Variants in CDH18 observed in about 807,000 individuals in gnomAD.
CDH18 encodes the protein cadherin-18.
Under a neutral mutation model 67.9 loss-of-function variants are expected in CDH18, and 31 were observed. The observed-to-expected ratio is 0.46, with a 90% CI of 0.34 to 0.62. The LOEUF is 0.62. CDH18 is among the 20% of genes least tolerant of loss of function. The probability of loss-of-function intolerance (pLI) is 0.01; values close to 1 mark genes in which losing one functional copy is unlikely to be tolerated. For missense variants in CDH18, 890 were observed against 975.5 expected, an observed-to-expected ratio of 0.91 and a Z score of 1.17; for synonymous variants, 362 against 347.2, an observed-to-expected ratio of 1.04 and a Z score of -0.48.
At chr5:20,397,812 T>C (rs1448964188) in intron 1 of CDH18, among the ~76,000 whole-genome samples, 1 of 152,176 alleles carries the variant, frequency 6.6e-6, no homozygotes, top group Non-Finnish European at 1.5e-5. Flanking sequence ...ATTCTCTTTT[T>C]CATAGTAAGT....
At chr5:20,179,884 C>T (rs1032168277) in intron 2 of CDH18, among the ~76,000 whole-genome samples, 8 of 151,996 alleles carry the variant, frequency 5.3e-5, no homozygotes, top group Admixed American at 5.2e-4. Context: ...TGAGGGCAGC[C>T]CTCTGTAAAA....
intron 2 of CDH18, among the ~76,000 whole-genome samples, chr5:20,201,861 T>C (rs1377573201): frequency 1.3e-5 from 2 of 152,174 alleles, no homozygotes; most frequent in Admixed American, 6.5e-5. Context: ...ACAATTAAAC[T>C]GCTAGCTTGA....
In CDH18 at chr5:19,857,301, G is replaced by A. The variant is rs79655581; in HGVS notation, c.-256-18059C>T. On this transcript the variant is annotated intron_variant, in intron 2 of 12. Transcript: ENST00000382275. ...TGATTTCTGTCACTAGTCACAACTG[G>A]AAAGCATACAATTTAAACAGTGTGA... 2.0e-5 allele frequency among the ~76,000 whole-genome samples: 3 copies of A among 151,788 alleles called. No individual in the cohort carries two copies. In the South Asian group the frequency reaches 6.2e-4, roughly 32 times the overall value.
At position 20,093,261 on chromosome 5, in the gene CDH18, A is replaced by G. The variant is rs191061340; in HGVS notation, c.-517-101247T>C. ...TACACACACACACACTCACACGAATATATTAACATTTTTCAATTACAACCA... is the reference window on the plus strand; with the variant it reads ...TACACACACACACACTCACACGAATGTATTAACATTTTTCAATTACAACCA... On this transcript the variant is annotated intron_variant, in intron 2 of 14. Coordinates refer to the CDH18 transcript ENST00000507958. Among the ~76,000 whole-genome samples the G allele has an allele frequency of 1.5e-4, 23 of 152,062 alleles. No individual in the cohort carries two copies. In the Middle Eastern group the frequency reaches 0.014, roughly 90 times the overall value.
chr5:20,092,011 T>G (rs111900565), intron 2 of CDH18, among the ~76,000 whole-genome samples: 3,600 of 152,262 alleles, frequency 0.024, 141 homozygotes, highest in African/African-American at 0.077. Flanking sequence ...AGACAAAAAT[T>G]GATATTGACT....
At chr5:20,436,000 T>C (rs1191283905) in intron 1 of CDH18, among the ~76,000 whole-genome samples, 1 of 152,042 alleles carries the variant, frequency 6.6e-6, no homozygotes, top group Non-Finnish European at 1.5e-5. Flanking sequence ...AAGTTAACTG[T>C]TATACATAGA....
In CDH18 at chr5:19,741,169, A is replaced by G. The variant is rs889911255; in HGVS notation, c.523+5773T>C. Among the ~76,000 whole-genome samples, 18 of 146,436 alleles carry G rather than the reference A, an allele frequency of 1.2e-4. No individual in the cohort carries two copies. In the East Asian group the frequency reaches 1.8e-3, roughly 15 times the overall value. The stretch of plus-strand genomic sequence containing the variant: ...ATGTACATCTATGTCATCTATGTAT[A>G]TATGTATATATGTCATCTATGTATA... On this transcript the variant is annotated intron_variant, in intron 4 of 12. Transcript: ENST00000382275.
At position 19,717,763 on chromosome 5, in the gene CDH18, T is replaced by A. The variant is rs532719317; in HGVS notation, c.643+3584A>T. On this transcript the variant is annotated intron_variant, in intron 5 of 12. Transcript: ENST00000382275. ...AATGCATTGCTTAGGTTTAGCTGTT[T>A]CCTTAGATAGTAAAATGTTTTCTTT... 2.8e-4 allele frequency among the ~76,000 whole-genome samples: 42 copies of A among 152,162 alleles called. 1 individual carries two copies. In the South Asian group the frequency reaches 5.0e-3, roughly 18 times the overall value.
At chr5:20,153,231 CA>C (rs1227021425) in intron 2 of CDH18, among the ~76,000 whole-genome samples, 1 of 151,988 alleles carries the variant, frequency 6.6e-6, no homozygotes. Flanking sequence ...AACGGTTAGC[CA>C]GCCTGATGAT....
chr5:19,738,170 G>T (rs1768611128), intron 4 of CDH18, among the ~76,000 whole-genome samples: 1 of 100,800 alleles, frequency 9.9e-6, no homozygotes, highest in South Asian at 4.7e-4. Flanking sequence ...ATGATACTGA[G>T]ATTTTTAAAA....
At chr5:19,867,557 T>C (rs1785697478) in intron 2 of CDH18, among the ~76,000 whole-genome samples, 1 of 152,204 alleles carries the variant, frequency 6.6e-6, no homozygotes, top group African/African-American at 2.4e-5. Context: ...CAATGGTGAC[T>C]TACTTGCTGA....
intron 3 of CDH18, among the ~76,000 whole-genome samples, chr5:19,817,695 G>A (rs1434612562): frequency 2.6e-5 from 4 of 152,062 alleles, no homozygotes; most frequent in African/African-American, 9.7e-5. Context: ...CAGGCACTAT[G>A]ACAGGTACTG....
chr5:20,557,193 A>C (rs1247705530), intron 1 of CDH18, among the ~76,000 whole-genome samples: 1 of 152,154 alleles, frequency 6.6e-6, no homozygotes, highest in African/African-American at 2.4e-5. Context: ...TCACATATAT[A>C]ATAAGACATT....
In CDH18 at chr5:20,311,732, G is replaced by A. The variant is rs1737014127; in HGVS notation, c.-579-56227C>T. Among the ~76,000 whole-genome samples the A allele has an allele frequency of 2.0e-5, 3 of 151,986 alleles. No individual in the cohort carries two copies. In the South Asian group the frequency reaches 6.2e-4, roughly 31 times the overall value. On this transcript the variant is annotated intron_variant, in intron 1 of 14. Coordinates refer to the CDH18 transcript ENST00000507958. ...TGGGTGCAGCAAACCATCATGACACGTGTATACCTATGTAACAAAACTGCA... is the reference window on the plus strand; with the variant it reads ...TGGGTGCAGCAAACCATCATGACACATGTATACCTATGTAACAAAACTGCA...
At chr5:20,083,892 C>T (rs369100890) in intron 2 of CDH18, among the ~76,000 whole-genome samples, 2 of 152,146 alleles carry the variant, frequency 1.3e-5, no homozygotes, top group Non-Finnish European at 1.5e-5. Flanking sequence ...CAATTACCTC[C>T]CACTGGGTCC....
intron 1 of CDH18, among the ~76,000 whole-genome samples, chr5:20,326,699 C>T (rs765952264): frequency 1.3e-4 from 20 of 151,944 alleles, no homozygotes; most frequent in Non-Finnish European, 1.6e-4. Context: ...CCACCACACC[C>T]GGCTAATTTT....
chr5:20,410,497 C>T (rs926902358), intron 1 of CDH18, among the ~76,000 whole-genome samples: 1 of 151,524 alleles, frequency 6.6e-6, no homozygotes, highest in Non-Finnish European at 1.5e-5. Context: ...ATAATAATGG[C>T]CATATCCTCT....
chr5:20,324,559 C>CAAAAT (rs992430980), intron 1 of CDH18, among the ~76,000 whole-genome samples: 1 of 151,594 alleles, frequency 6.6e-6, no homozygotes, highest in African/African-American at 2.4e-5. Flanking sequence ...CAAAACAAAA[C>CAAAAT]ATTTGTAGGG....
At position 19,804,311 on chromosome 5, in the gene CDH18, A is replaced by AAT. The variant is rs1554037910; in HGVS notation, c.228+34447_228+34448insAT. Among the ~76,000 whole-genome samples the AAT allele has an allele frequency of 2.6e-3, 390 of 151,264 alleles. 1 individual carries two copies. Among genetic ancestry groups the AAT allele is most frequent in the African/African-American group, 8.3e-3 (342 of 41,308 alleles). On this transcript the variant is annotated intron_variant, in intron 3 of 12. Coordinates refer to ENST00000382275, the MANE Select transcript of CDH18 (RefSeq NM_004934.5). ...AGCGAGATTCCATCTCAAAAAAAAA[A>AAT]AAATAAATAAAATAAATAAATAAGT...
Sources: allele counts gnomAD v4.1 joint callset (sites outside exome capture counted in the v4.1 genomes callset), GRCh38; gene constraint gnomAD v4.1.1; transcripts MANE v1.5; gene names NCBI Gene and HGNC (gene_info 2026-07-23, HGNC 2026-07-21).